Variants in NLRC5 observed in about 807,000 individuals in gnomAD.
NLRC5 encodes the protein NLR family CARD domain containing 5.
A neutral mutation model predicts 206.9 loss-of-function variants in NLRC5; 114 were observed. The ratio of observed to expected loss-of-function variants is 0.55; its 90% confidence interval spans 0.47 to 0.64. The LOEUF is 0.64. NLRC5 is among the 30% of genes least tolerant of loss of function. The pLI, the probability that NLRC5 is intolerant of heterozygous loss-of-function variation, is 0.00. For synonymous variants in NLRC5, 952 were observed against 962.8 expected, an observed-to-expected ratio of 0.99 and a Z score of 0.21; for missense variants, 2,008 against 2,305.5, an observed-to-expected ratio of 0.87 and a Z score of 2.64.
chr16:57,066,720 G>A (rs2067122600), intron 34 of NLRC5, 106 bp downstream of exon 34: 15 of 1,039,782 alleles, frequency 1.4e-5, no homozygotes, highest in Middle Eastern at 2.0e-4. Flanking sequence ...TTAGGGGTTC[G>A]AAGTCTTTAC....
Position 57,031,469 on chromosome 16 carries a change from A to C in NLRC5, c.2477+6A>C. On this transcript the variant is annotated splice_donor_region_variant and intron_variant, in intron 11 of 48. Coordinates refer to ENST00000688547, the MANE Select transcript of NLRC5 (RefSeq NM_001384950.1). ...ACAACTGCAGAGCTACAAAGGTAAG[A>C]AGCCAAGAGGCGGTGGGCCTGGGGC... 6.2e-7 allele frequency: 1 copy of C among 1,613,812 alleles called. No homozygotes were observed. The highest frequency in any genetic ancestry group is 8.5e-7 in the Non-Finnish European group (1 of 1,179,950).
In NLRC5 at chr16:57,055,584, G is replaced by T. The variant is rs932770575; in HGVS notation, c.3746+65G>T. 9 of 1,334,760 alleles carry T rather than the reference G, an allele frequency of 6.7e-6. No homozygotes were observed. The African/African-American group carries it at 7.2e-5, about 11-fold the overall frequency. 82.7% of individuals were successfully genotyped at this position (1,334,760 alleles called of 1,614,324 possible). ...GCATGCCTGAGGGGCACTGAAGGGG[G>T]TATGAGGGTCCGTGTGTGCACATAC... On this transcript the variant is annotated intron_variant, in intron 27 of 48. Coordinates refer to ENST00000688547, the MANE Select transcript of NLRC5 (RefSeq NM_001384950.1).
intron 43 of NLRC5, 42 bp from the exon 44 acceptor site, chr16:57,079,008 G>T (rs750747571): frequency 1.9e-6 from 3 of 1,573,486 alleles, no homozygotes; most frequent in Non-Finnish European, 1.7e-6. Context: ...CTCTGGAAAC[G>T]CCAGTCCCTC....
intron 29 of NLRC5, 62 bp from the exon 30 acceptor site, chr16:57,059,405 C>A: frequency 6.4e-7 from 1 of 1,557,022 alleles, no homozygotes; most frequent in South Asian, 1.2e-5. Context: ...TGTGGGTGCC[C>A]TAGGTGCCTA....
intron 38 of NLRC5, among the ~76,000 whole-genome samples, chr16:57,072,901 T>C (rs2067954519): frequency 6.6e-6 from 1 of 152,132 alleles, no homozygotes; most frequent in Admixed American, 6.5e-5. Context: ...CTTCCGCTTG[T>C]CCCTCTTTGC....
intron 32 of NLRC5, among the ~76,000 whole-genome samples, chr16:57,063,456 T>TG (rs1463039065): frequency 6.6e-6 from 1 of 152,182 alleles, no homozygotes; most frequent in Non-Finnish European, 1.5e-5. Flanking sequence ...ATTGTGTGGA[T>TG]GGACCACATT....
chr16:56,996,218 G>A (rs1597059470), intron 1 of NLRC5, among the ~76,000 whole-genome samples: 1 of 152,080 alleles, frequency 6.6e-6, no homozygotes, highest in East Asian at 1.9e-4. Context: ...ACCCAGGCTG[G>A]AGTGCACTGG....
intron 16 of NLRC5, 130 bp downstream of exon 16, chr16:57,039,979 GA>G: frequency 1.2e-6 from 1 of 831,892 alleles, no homozygotes. Context: ...AGCGGGAAGT[GA>G]GCAGGCTTGG....
intron 21 of NLRC5, 23 bp downstream of exon 21, chr16:57,045,515 G>A (rs765927478): frequency 1.2e-6 from 2 of 1,612,116 alleles, no homozygotes; most frequent in African/African-American, 1.3e-5. Context: ...CGCTCGGGGT[G>A]GGGGAGTCCC....
chr16:56,994,670 C>T lies in NLRC5; in HGVS notation c.-128+5053C>T, dbSNP rs1458987499. 5.3e-5 allele frequency among the ~76,000 whole-genome samples: 8 copies of T among 151,620 alleles called. No homozygotes were observed. In the South Asian group the frequency reaches 6.3e-4, roughly 12 times the overall value. ...CATTTGAGAGAGAACTTGAAGGGAG[C>T]GTGGCAGGGAACCATGGGCCATGGC... On this transcript the variant is annotated intron_variant, in intron 1 of 48. Transcript: ENST00000688547.
At chr16:57,050,783 C>T (rs780868401) in intron 23 of NLRC5, among the ~76,000 whole-genome samples, 2 of 152,224 alleles carry the variant, frequency 1.3e-5, no homozygotes, top group African/African-American at 2.4e-5. Flanking sequence ...CTGTCTCCTT[C>T]GCTGACCTGT....
intron 39 of NLRC5, 68 bp downstream of exon 39, chr16:57,074,751 C>G (rs2068150369): frequency 6.8e-7 from 1 of 1,477,792 alleles, no homozygotes; most frequent in African/African-American, 1.4e-5. Context: ...GGGACCACAT[C>G]CAGGGAAGCA....
chr16:57,071,562 GTGGTGGTGGTGGTTAAT>G (rs2067776772), intron 38 of NLRC5, among the ~76,000 whole-genome samples: 5 of 141,916 alleles, frequency 3.5e-5, no homozygotes, highest in African/African-American at 1.1e-4. Flanking sequence ...GGGTGAGTGA[GTGGTGGTGGTGGTTAAT>G]GGGGAAGGGG....
At chr16:57,035,703 T>C (rs1389015922) in intron 13 of NLRC5, among the ~76,000 whole-genome samples, 4 of 152,198 alleles carry the variant, frequency 2.6e-5, no homozygotes, top group African/African-American at 7.2e-5. Flanking sequence ...ATGAAGTTTA[T>C]CACAAAAAGC....
chr16:57,068,094 A>G (rs2067254930), intron 36 of NLRC5, among the ~76,000 whole-genome samples: 1 of 152,192 alleles, frequency 6.6e-6, no homozygotes, highest in South Asian at 2.1e-4. Context: ...ACTAACACAA[A>G]GTTTCAAGAA....
chr16:57,051,410 A>C, intron 23 of NLRC5, 128 bp from the exon 24 acceptor site: 1 of 719,216 alleles, frequency 1.4e-6, no homozygotes, highest in East Asian at 2.5e-5. Context: ...CCATGGACCC[A>C]GTGCTGGGAG....
At chr16:56,992,838 AT>A (rs1391797854) in intron 1 of NLRC5, among the ~76,000 whole-genome samples, 6 of 151,904 alleles carry the variant, frequency 3.9e-5, no homozygotes, top group African/African-American at 9.7e-5. Context: ...TTAAAAATAA[AT>A]GATATGGAAT....
intron 16 of NLRC5, 85 bp downstream of exon 16, chr16:57,039,934 C>A: frequency 1.7e-6 from 2 of 1,166,484 alleles, no homozygotes; most frequent in South Asian, 1.3e-5. Flanking sequence ...GCCAGTCAGT[C>A]AACTGCCAGG....
At chr16:57,014,452 C>T (rs1289465952) in intron 1 of NLRC5, among the ~76,000 whole-genome samples, 1 of 152,116 alleles carries the variant, frequency 6.6e-6, no homozygotes, top group Non-Finnish European at 1.5e-5. Flanking sequence ...ATAGAATTGC[C>T]TTTATTCGTT....
Sources: gnomAD v4.1 joint callset for allele counts (sites outside exome capture counted in the v4.1 genomes callset) on GRCh38, gnomAD v4.1.1 for gene constraint, MANE v1.5 for transcripts, NCBI Gene and HGNC (gene_info 2026-07-23, HGNC 2026-07-21) for gene names.